The following RASSF9 variants were observed in gnomAD, a reference collection of about 807,000 sequenced individuals.
RASSF9 encodes ras association domain-containing protein 9.
Under a neutral mutation model 21.4 loss-of-function variants are expected in RASSF9, and 18 were observed. The observed-to-expected ratio is 0.84, with a 90% CI of 0.58 to 1.25. The LOEUF (loss-of-function observed/expected upper bound fraction) is 1.25. Ranked by LOEUF, RASSF9 falls within the 50% of genes most tolerant of loss-of-function variation. The pLI is 0.00. For missense variants in RASSF9, 480 were observed against 503.2 expected (o/e 0.95, Z 0.44); for synonymous variants, 183 against 179.1 (o/e 1.02, Z -0.18).
chr12:85,825,150 G>A (rs528903269), intron 1 of RASSF9, among the ~76,000 whole-genome samples: 3 of 152,188 alleles, frequency 2.0e-5, no homozygotes, highest in East Asian at 1.9e-4. Context: ...TTACAGGTGC[G>A]TGCCACTATG....
chr12:85,805,758 T>A lies in RASSF9; in HGVS notation c.252A>T (p.Arg84Ser), dbSNP rs148047831. Residue 84 changes from arginine to serine, a missense_variant, in exon 2 of 2, where the codon AGA becomes AGT. Physicochemically the swap from Arg to Ser is moderately radical, Grantham distance 110. Coordinates refer to ENST00000361228, the MANE Select transcript of RASSF9 (RefSeq NM_005447.4). ...GTGGAGGAAGAACCCTTTCGGAGCC[T>A]CTCCACTTCTCTATGATGCAGTAAT... ...PSDYCIIEKWRGSERVLPPLT... is the reference protein window; with the variant it reads ...PSDYCIIEKWSGSERVLPPLT... 4 of 1,613,746 alleles carry A rather than the reference T, an allele frequency of 2.5e-6. No individual in the cohort carries two copies. Among genetic ancestry groups the A allele is most frequent in the Non-Finnish European group, 3.4e-6 (4 of 1,179,834 alleles).
intron 1 of RASSF9, among the ~76,000 whole-genome samples, chr12:85,825,576 A>G (rs546323457): frequency 6.6e-6 from 1 of 152,322 alleles, no homozygotes; most frequent in East Asian, 1.9e-4. Flanking sequence ...TAGTTGAGAT[A>G]GAGACATTAT....
At position 85,800,744 on chromosome 12, in the gene RASSF9, A is replaced by G. The variant is rs190269434; in HGVS notation, c.*3958T>C. 4.6e-5 allele frequency: 7 copies of G among 152,102 alleles called. No individual in the cohort carries two copies. The highest frequency in any genetic ancestry group is 1.3e-4 in the Admixed American group (2 of 15,276). 9.4% of individuals were successfully genotyped at this position (152,102 alleles called of 1,614,324 possible). A position where few individuals can be genotyped will look rare whatever the true frequency, so the allele number is the denominator to read the frequency against. ...CTTTTATTATTTTGGATCAGTTACA[A>G]CATGATAAAATGATATATACTTAAT... On this transcript the variant is annotated 3_prime_UTR_variant, in exon 2 of 2. Transcript: ENST00000361228.
intron 1 of RASSF9, among the ~76,000 whole-genome samples, chr12:85,829,416 C>G (rs545615986): frequency 6.6e-6 from 1 of 152,116 alleles, no homozygotes; most frequent in South Asian, 2.1e-4. Context: ...GACTTTCAAC[C>G]GACAATGTTA....
In RASSF9 at chr12:85,804,802, C is replaced by T; in HGVS notation, c.1208G>A (p.Ser403Asn). The change falls in exon 2 of 2, where the codon AGC becomes AAC. Residue 403 changes from serine to asparagine, a missense_variant. Physicochemically the swap from Ser to Asn is conservative, Grantham distance 46. Coordinates refer to ENST00000361228, the MANE Select transcript of RASSF9 (RefSeq NM_005447.4). The stretch of plus-strand genomic sequence containing the variant: ...CGAGTCTGTGTCATTTGTGTAATTG[C>T]TAAATACTCTTTGAGTAAAGGGAGG... ...EIPPFTQRVFSNYTNDTDSDT... is the reference protein window; with the variant it reads ...EIPPFTQRVFNNYTNDTDSDT... The T allele has an allele frequency of 6.2e-7, 1 of 1,613,412 alleles. No individual in the cohort carries two copies. The highest frequency in any genetic ancestry group is 1.1e-5 in the South Asian group (1 of 91,068).
At chr12:85,819,238 G>A (rs1880155498) in intron 1 of RASSF9, among the ~76,000 whole-genome samples, 3 of 151,044 alleles carry the variant, frequency 2.0e-5, no homozygotes, top group South Asian at 4.2e-4. Flanking sequence ...TTAGAGACAG[G>A]GTCTCACTAT....
intron 1 of RASSF9, among the ~76,000 whole-genome samples, chr12:85,833,320 A>G (rs1044339931): frequency 1.2e-4 from 18 of 151,966 alleles, no homozygotes; most frequent in African/African-American, 4.3e-4. Context: ...AAAACTGAAT[A>G]AACAATTGTA....
chr12:85,805,455 T>C lies in RASSF9; in HGVS notation c.555A>G (p.Thr185=). The change falls in exon 2 of 2, where the codon ACA becomes ACG. Residue 185 remains threonine, a synonymous_variant. Transcript: ENST00000361228. ...TVSHDRDNME[T]LVHLIISQDH... ...CCTGGGAAATGATCAGATGAACTAA[T>C]GTCTCCATATTATCTCGATCATGAG... is the stretch of plus-strand genomic sequence containing the variant. The C allele has an allele frequency of 6.2e-7, 1 of 1,614,026 alleles. No individual in the cohort carries two copies. The highest frequency in any genetic ancestry group is 8.5e-7 in the Non-Finnish European group (1 of 1,179,890).
intron 1 of RASSF9, among the ~76,000 whole-genome samples, chr12:85,807,377 C>G (rs67569317): frequency 0.18 from 27,608 of 151,714 alleles, 2,766 homozygotes; most frequent in African/African-American, 0.23. Context: ...AGGGGGAAGC[C>G]AAAGAAAGTG....
At chr12:85,822,541 T>G (rs942963410) in intron 1 of RASSF9, among the ~76,000 whole-genome samples, 1 of 152,178 alleles carries the variant, frequency 6.6e-6, no homozygotes, top group Non-Finnish European at 1.5e-5. Flanking sequence ...GGCCTGCCAC[T>G]CTATTTTGTT....
At chr12:85,821,942 G>T (rs1027402167) in intron 1 of RASSF9, among the ~76,000 whole-genome samples, 1 of 152,114 alleles carries the variant, frequency 6.6e-6, no homozygotes, top group Non-Finnish European at 1.5e-5. Context: ...TTTAACATGT[G>T]TTATTTACCA....
chr12:85,836,407 T>C lies in RASSF9; in HGVS notation c.-206A>G. The C allele has an allele frequency of 8.5e-7, 1 of 1,175,190 alleles. No individual in the cohort carries two copies. The highest frequency in any genetic ancestry group is 1.2e-6 in the Non-Finnish European group (1 of 859,506). 72.8% of individuals were successfully genotyped at this position (1,175,190 alleles called of 1,614,324 possible). On this transcript the variant is annotated 5_prime_UTR_variant, in exon 1 of 2. Coordinates refer to ENST00000361228, the MANE Select transcript of RASSF9 (RefSeq NM_005447.4). ...GCTTAACTTTGAACTGCGGGATTGT[T>C]GTGGCTGCTGCACCTCTGGAGACCT...
chr12:85,836,295 T>A lies in RASSF9; in HGVS notation c.-94A>T. On this transcript the variant is annotated 5_prime_UTR_variant, in exon 1 of 2. Coordinates refer to ENST00000361228, the MANE Select transcript of RASSF9 (RefSeq NM_005447.4). ...ATTTCCAGGGTGAAGGGAGGAGGGC[T>A]GGAAGCTTTCTCTTCTCCTCGGATG... The A allele has an allele frequency of 3.3e-6, 5 of 1,522,604 alleles. No individual in the cohort carries two copies. Among genetic ancestry groups the A allele is most frequent in the Non-Finnish European group, 3.5e-6 (4 of 1,126,934 alleles). 94.3% of individuals were successfully genotyped at this position (1,522,604 alleles called of 1,614,324 possible).
chr12:85,833,891 G>T (rs777731442), intron 1 of RASSF9, among the ~76,000 whole-genome samples: 7 of 151,856 alleles, frequency 4.6e-5, no homozygotes, highest in Non-Finnish European at 8.8e-5. Flanking sequence ...TTCCAAGAAA[G>T]GATAAATCAC....
intron 1 of RASSF9, among the ~76,000 whole-genome samples, chr12:85,807,299 T>C (rs1158006469): frequency 2.0e-5 from 3 of 151,952 alleles, no homozygotes; most frequent in Non-Finnish European, 2.9e-5. Flanking sequence ...GAAGGAGAGA[T>C]TAAATAATAG....
At chr12:85,829,436 A>C (rs1181196717) in intron 1 of RASSF9, among the ~76,000 whole-genome samples, 1 of 152,210 alleles carries the variant, frequency 6.6e-6, no homozygotes, top group East Asian at 1.9e-4. Context: ...ATATAAATAC[A>C]CAAAATTATT....
chr12:85,835,796 A>G (rs951524601), intron 1 of RASSF9, among the ~76,000 whole-genome samples: 1 of 152,144 alleles, frequency 6.6e-6, no homozygotes, highest in Admixed American at 6.5e-5. Flanking sequence ...ACAAAATGAC[A>G]CTTTTTATTG....
intron 1 of RASSF9, among the ~76,000 whole-genome samples, chr12:85,824,477 A>T (rs1880285761): frequency 6.6e-6 from 1 of 152,190 alleles, no homozygotes; most frequent in Non-Finnish European, 1.5e-5. Context: ...GTAGGTTGTT[A>T]TAAAATCTTT....
At chr12:85,808,554 A>G (rs994237226) in intron 1 of RASSF9, among the ~76,000 whole-genome samples, 1 of 152,114 alleles carries the variant, frequency 6.6e-6, no homozygotes, top group Non-Finnish European at 1.5e-5. Flanking sequence ...AGACACAAAT[A>G]CTGTCTAAAC....
Sources: allele counts gnomAD v4.1 joint callset (sites outside exome capture counted in the v4.1 genomes callset), GRCh38; gene constraint gnomAD v4.1.1; transcripts MANE v1.5; gene names NCBI Gene and HGNC (gene_info 2026-07-23, HGNC 2026-07-21).